CACNA2D1: variants seen among roughly 807,000 people sequenced by gnomAD.
The protein encoded by CACNA2D1 is calcium voltage-gated channel auxiliary subunit alpha2delta 1.
In CACNA2D1, 53 loss-of-function variants were observed where a neutral mutation model predicts 171.5. That is an observed-to-expected ratio of 0.31 (90% CI 0.25 to 0.39). The LOEUF is 0.39. Ranked by LOEUF, CACNA2D1 falls within the 10% of genes least tolerant of loss-of-function variation. CACNA2D1 has a pLI of 1.00. For missense variants in CACNA2D1, 903 were observed against 1,299.8 expected, an observed-to-expected ratio of 0.69 and a Z score of 4.69; for synonymous variants, 442 against 443.1, an observed-to-expected ratio of 1.00 and a Z score of 0.03.
At chr7:81,971,280 T>C (rs543865266) in intron 26 of CACNA2D1, among the ~76,000 whole-genome samples, 1 of 151,624 alleles carries the variant, frequency 6.6e-6, no homozygotes, top group South Asian at 2.1e-4. Context: ...TGGAGAACAC[T>C]AAAGGCAGAA....
intron 3 of CACNA2D1, among the ~76,000 whole-genome samples, chr7:82,282,740 A>C (rs550733079): frequency 2.0e-3 from 300 of 152,212 alleles, no homozygotes; most frequent in African/African-American, 6.9e-3. Flanking sequence ...CTATAAAAAT[A>C]TCCAAAACAA....
At chr7:82,404,315 C>G (rs78570211) in intron 1 of CACNA2D1, among the ~76,000 whole-genome samples, 3,172 of 152,210 alleles carry the variant, frequency 0.021, 115 homozygotes, top group East Asian at 0.12. Context: ...ACATGGAGAG[C>G]GAGGGATCTG....
At chr7:82,388,683 G>A (rs926670993) in intron 1 of CACNA2D1, among the ~76,000 whole-genome samples, 5 of 152,200 alleles carry the variant, frequency 3.3e-5, no homozygotes, top group Admixed American at 2.6e-4. Flanking sequence ...GTCCTGTACA[G>A]TGTGCACCTT....
At chr7:81,998,207 A>G (rs529671353) in intron 18 of CACNA2D1, among the ~76,000 whole-genome samples, 82 of 152,176 alleles carry the variant, frequency 5.4e-4, no homozygotes, top group Non-Finnish European at 1.0e-3. Context: ...CAATAAAATC[A>G]TAATAGGTAT....
chr7:82,211,392 A>G (rs905247160), intron 3 of CACNA2D1, among the ~76,000 whole-genome samples: 1 of 151,888 alleles, frequency 6.6e-6, no homozygotes, highest in Non-Finnish European at 1.5e-5. Flanking sequence ...CCCTATGTCT[A>G]TTATCCCCGC....
At chr7:81,958,359 A>T (rs1793686879) in intron 38 of CACNA2D1, among the ~76,000 whole-genome samples, 1 of 152,100 alleles carries the variant, frequency 6.6e-6, no homozygotes, top group Admixed American at 6.6e-5. Context: ...CAAATAATTT[A>T]TGAGATAATG....
At chr7:82,414,328 C>T (rs532123421) in intron 1 of CACNA2D1, among the ~76,000 whole-genome samples, 52 of 152,248 alleles carry the variant, frequency 3.4e-4, no homozygotes, top group African/African-American at 1.2e-3. Flanking sequence ...AATTTGAATG[C>T]ATTTTACTGA....
chr7:82,389,049 G>A (rs1181707169), intron 1 of CACNA2D1, among the ~76,000 whole-genome samples: 1 of 151,370 alleles, frequency 6.6e-6, no homozygotes, highest in Non-Finnish European at 1.5e-5. Flanking sequence ...CTGGGAGGTG[G>A]AGGTTGCAGT....
intron 5 of CACNA2D1, among the ~76,000 whole-genome samples, chr7:82,135,929 T>G (rs1791549910): frequency 6.6e-6 from 1 of 152,202 alleles, no homozygotes; most frequent in Non-Finnish European, 1.5e-5. Context: ...CATAGGCATT[T>G]TTTTGATCTA....
At position 82,170,692 on chromosome 7, in the gene CACNA2D1, A is replaced by G. The variant is rs892001997; in HGVS notation, c.295-83T>C. ...TATAAAATGCTTGCGCTTTCTAATC[A>G]ATTTTGAGGACATAAAAAGCAGAAG... On this transcript the variant is annotated intron_variant, in intron 3 of 38. Coordinates refer to ENST00000356860, the MANE Select transcript of CACNA2D1 (RefSeq NM_000722.4). 3 of 1,207,566 alleles carry G rather than the reference A, an allele frequency of 2.5e-6. No homozygotes were observed. The African/African-American group carries it at 4.5e-5, about 18-fold the overall frequency. The allele number at this position is 1,207,566 out of a possible 1,614,324, so 74.8% of individuals were successfully genotyped here.
chr7:82,393,168 C>T (rs1481162352), intron 1 of CACNA2D1, among the ~76,000 whole-genome samples: 4 of 91,450 alleles, frequency 4.4e-5, no homozygotes, highest in African/African-American at 1.4e-4. Flanking sequence ...GGAGGGAGGC[C>T]GGGAGGGAGG....
intron 4 of CACNA2D1, 44 bp from the exon 5 acceptor site, chr7:82,136,720 T>G (rs199632459): frequency 7.6e-7 from 1 of 1,307,670 alleles, no homozygotes; most frequent in Non-Finnish European, 1.1e-6. Flanking sequence ...ATAAAAACAA[T>G]ACTGTATCAA....
chr7:82,257,434 T>C (rs1806444074), intron 3 of CACNA2D1, among the ~76,000 whole-genome samples: 1 of 152,212 alleles, frequency 6.6e-6, no homozygotes, highest in African/African-American at 2.4e-5. Flanking sequence ...CTTGGGATAA[T>C]TTCCATTTAC....
At chr7:82,260,543 G>A (rs1806933780) in intron 3 of CACNA2D1, among the ~76,000 whole-genome samples, 1 of 152,166 alleles carries the variant, frequency 6.6e-6, no homozygotes, top group Non-Finnish European at 1.5e-5. Context: ...TGACTTTAAA[G>A]ACATCAGCCT....
intron 1 of CACNA2D1, among the ~76,000 whole-genome samples, chr7:82,437,970 G>T (rs1830228322): frequency 6.6e-6 from 1 of 152,072 alleles, no homozygotes. Flanking sequence ...AGTATGTAAA[G>T]AACTTTTAAT....
intron 3 of CACNA2D1, among the ~76,000 whole-genome samples, chr7:82,185,715 G>A (rs2129177786): frequency 6.6e-6 from 1 of 152,142 alleles, no homozygotes. Flanking sequence ...TGAACATATA[G>A]ACTGTATTCA....
intron 6 of CACNA2D1, among the ~76,000 whole-genome samples, chr7:82,096,478 T>C (rs1811875541): frequency 6.6e-6 from 1 of 151,954 alleles, no homozygotes; most frequent in African/African-American, 2.4e-5. Context: ...GTGGCTACCG[T>C]AAATCAAGTT....
intron 6 of CACNA2D1, among the ~76,000 whole-genome samples, chr7:82,095,543 G>A (rs1448105343): frequency 6.6e-6 from 1 of 152,146 alleles, no homozygotes; most frequent in African/African-American, 2.4e-5. Context: ...CAGGAATGAG[G>A]TGGAGAAAAC....
At chr7:82,335,039 G>A (rs1817818749) in intron 3 of CACNA2D1, 96 bp downstream of exon 3, 1 of 828,606 alleles carries the variant, frequency 1.2e-6, no homozygotes, top group Non-Finnish European at 2.1e-6. Context: ...TTACTAAGAA[G>A]AAGAACGCAT....
Sources: allele counts gnomAD v4.1 joint callset (sites outside exome capture counted in the v4.1 genomes callset), GRCh38; gene constraint gnomAD v4.1.1; transcripts MANE v1.5; gene names NCBI Gene and HGNC (gene_info 2026-07-23, HGNC 2026-07-21).